The following MET variants were observed in gnomAD, a reference collection of about 807,000 sequenced individuals.
MET encodes the protein hepatocyte growth factor receptor.
In MET, 48 loss-of-function variants were observed where a neutral mutation model predicts 133.1. The observed-to-expected ratio is 0.36, with a 90% CI of 0.29 to 0.46. The LOEUF (loss-of-function observed/expected upper bound fraction) is 0.46. Ranked by LOEUF, MET falls within the 20% of genes least tolerant of loss-of-function variation. The pLI is 1.00. For missense variants in MET, 1,442 were observed against 1,695.9 expected, an observed-to-expected ratio of 0.85 and a Z score of 2.63; for synonymous variants, 628 against 616.5, an observed-to-expected ratio of 1.02 and a Z score of -0.28.
chr7:116,672,203 T>G lies in MET; in HGVS notation c.-389T>G, dbSNP rs1795997028. Among the ~76,000 whole-genome samples the G allele has an allele frequency of 6.6e-6, 1 of 151,836 alleles. No homozygotes were observed. The highest frequency in any genetic ancestry group is 2.4e-5 in the African/African-American group (1 of 41,394). On this transcript the variant is annotated 5_prime_UTR_variant, in exon 1 of 21. Coordinates refer to ENST00000397752, the MANE Select transcript of MET (RefSeq NM_000245.4). ...ACAGCACGCGAGGCAGACAGACACG[T>G]GCTGGGGCGGGCAGGCGAGCGCCTC...
chr7:116,770,483 T>G (rs945313994), intron 12 of MET, among the ~76,000 whole-genome samples: 1 of 152,194 alleles, frequency 6.6e-6, no homozygotes, highest in Non-Finnish European at 1.5e-5. Context: ...ATTAATTTCA[T>G]TCACAGTGTT....
chr7:116,740,791 T>C lies in MET; in HGVS notation c.1528-61T>C, dbSNP rs1280080393. ...ACATGTACCTTTTGTGTACTTACTT[T>C]ATAATTAATTAACAAACTAGATACC... On this transcript the variant is annotated intron_variant, in intron 4 of 20. Coordinates refer to ENST00000397752, the MANE Select transcript of MET (RefSeq NM_000245.4). 1.9e-6 allele frequency: 3 copies of C among 1,592,934 alleles called. No individual in the cohort carries two copies. In the African/African-American group the frequency reaches 4.0e-5, roughly 21 times the overall value.
rs770257200 is a variant in MET at position 116,740,106 on chromosome 7, T to C, written c.1527+22T>C. 8 of 1,613,808 alleles carry C rather than the reference T, an allele frequency of 5.0e-6. No homozygotes were observed. The South Asian group carries it at 8.8e-5, about 18-fold the overall frequency. On this transcript the variant is annotated intron_variant, in intron 4 of 20. Coordinates refer to ENST00000397752, the MANE Select transcript of MET (RefSeq NM_000245.4). ...GAAGGTAAGCTGTTCCCACAGGGAA[T>C]TTCCATAGACGTGGTTTTTCCCAAA...
At position 116,777,349 on chromosome 7, in the gene MET, A is replaced by T. The variant is rs770445407; in HGVS notation, c.3260-40A>T. The T allele has an allele frequency of 9.6e-6, 14 of 1,465,332 alleles. No individual in the cohort carries two copies. In the East Asian group the frequency reaches 3.2e-4, roughly 33 times the overall value. The allele number at this position is 1,465,332 out of a possible 1,614,324, so 90.8% of individuals were successfully genotyped here. On this transcript the variant is annotated intron_variant, in intron 15 of 20. Coordinates refer to ENST00000397752, the MANE Select transcript of MET (RefSeq NM_000245.4). ...TTGATAAATAATTATTTCATAATTA[A>T]ATGTTACGCAGTGCTAACCAAGTTC...
intron 5 of MET, among the ~76,000 whole-genome samples, chr7:116,741,768 T>C (rs1237289073): frequency 6.6e-6 from 1 of 152,200 alleles, no homozygotes; most frequent in Non-Finnish European, 1.5e-5. Context: ...CTTTAATTCA[T>C]TCCAAAAATA....
At chr7:116,705,871 A>G (rs1791769242) in intron 2 of MET, among the ~76,000 whole-genome samples, 1 of 152,146 alleles carries the variant, frequency 6.6e-6, no homozygotes, top group African/African-American at 2.4e-5. Flanking sequence ...ATTAAAAGAA[A>G]TTTAAAATTA....
At chr7:116,779,735 A>C (rs1012138243) in intron 17 of MET, among the ~76,000 whole-genome samples, 4 of 152,162 alleles carry the variant, frequency 2.6e-5, no homozygotes, top group African/African-American at 9.7e-5. Flanking sequence ...AAAAAAAAGA[A>C]GGTGAAATAT....
intron 1 of MET, among the ~76,000 whole-genome samples, chr7:116,691,977 T>A (rs1057493280): frequency 6.6e-6 from 1 of 152,164 alleles, no homozygotes; most frequent in Non-Finnish European, 1.5e-5. Context: ...GAGTTGCCGG[T>A]ATAAGAGACA....
chr7:116,673,948 G>A (rs1455102575), intron 1 of MET, among the ~76,000 whole-genome samples: 1 of 152,118 alleles, frequency 6.6e-6, no homozygotes, highest in East Asian at 1.9e-4. Context: ...ATAACAGAGG[G>A]AAAATTTACA....
intron 16 of MET, among the ~76,000 whole-genome samples, chr7:116,777,822 C>T (rs1277612411): frequency 6.6e-6 from 1 of 152,084 alleles, no homozygotes; most frequent in African/African-American, 2.4e-5. Context: ...ACTCATTTTA[C>T]CCAGAGGCAT....
At chr7:116,746,888 C>T (rs957331150) in intron 5 of MET, among the ~76,000 whole-genome samples, 18 of 151,784 alleles carry the variant, frequency 1.2e-4, no homozygotes, top group East Asian at 9.7e-4. Flanking sequence ...GTAACAAACC[C>T]GCACATTGTG....
At chr7:116,705,690 T>C (rs1791762027) in intron 2 of MET, among the ~76,000 whole-genome samples, 1 of 152,152 alleles carries the variant, frequency 6.6e-6, no homozygotes, top group Admixed American at 6.5e-5. Flanking sequence ...AGATTCAATG[T>C]ACTTTTTAAA....
At chr7:116,688,940 G>A (rs1262910300) in intron 1 of MET, among the ~76,000 whole-genome samples, 9 of 152,120 alleles carry the variant, frequency 5.9e-5, no homozygotes, top group Admixed American at 2.0e-4. Flanking sequence ...TCAAGAAACC[G>A]TTTAGAGCAC....
chr7:116,711,160 A>G (rs1469574734), intron 2 of MET, among the ~76,000 whole-genome samples: 2 of 152,244 alleles, frequency 1.3e-5, no homozygotes, highest in African/African-American at 4.8e-5. Flanking sequence ...TGTACTCTGA[A>G]GTACGGGTAA....
At chr7:116,705,307 A>T (rs1791745486) in intron 2 of MET, among the ~76,000 whole-genome samples, 1 of 149,708 alleles carries the variant, frequency 6.7e-6, no homozygotes, top group Admixed American at 6.6e-5. Flanking sequence ...TAAAATAAAC[A>T]AAGATTTATA....
At chr7:116,784,450 C>T (rs893410600) in intron 19 of MET, among the ~76,000 whole-genome samples, 2 of 152,194 alleles carry the variant, frequency 1.3e-5, no homozygotes, top group African/African-American at 4.8e-5. Context: ...GCAGACTCTA[C>T]AGGAAGCATG....
rs1584953336 is a variant in MET at position 116,769,758 on chromosome 7, C to A, written c.2697C>A (p.Asp899Glu). 1 of 1,613,676 alleles carries A rather than the reference C, an allele frequency of 6.2e-7. No homozygotes were observed. Among genetic ancestry groups the A allele is most frequent in the Non-Finnish European group, 8.5e-7 (1 of 1,179,824 alleles). The change falls in exon 12 of 21, where the codon GAC becomes GAA. Residue 899 changes from aspartate to glutamate, a missense_variant. By Grantham distance (45) the Asp-to-Glu change is conservative (BLOSUM62 2). Coordinates refer to ENST00000397752, the MANE Select transcript of MET (RefSeq NM_000245.4). ...SEAVLCTVPN[D>E]LLKLNSELNI... is the part of the protein sequence containing the mutation. ...CCGTTTTATGCACGGTCCCCAATGA[C>A]CTGCTGAAATTGAACAGCGAGCTAA...
At chr7:116,723,990 T>C (rs1367476221) in intron 2 of MET, among the ~76,000 whole-genome samples, 20 of 152,366 alleles carry the variant, frequency 1.3e-4, no homozygotes, top group Admixed American at 3.3e-4. Flanking sequence ...GCAGGCCTCC[T>C]TGAGCTCTGG....
intron 5 of MET, among the ~76,000 whole-genome samples, chr7:116,746,359 G>T (rs563960993): frequency 8.5e-5 from 13 of 152,334 alleles, no homozygotes; most frequent in African/African-American, 3.1e-4. Flanking sequence ...AACCATTGTG[G>T]AAGACAGTGT....
Sources: gnomAD v4.1 joint callset for allele counts (sites outside exome capture counted in the v4.1 genomes callset) on GRCh38, gnomAD v4.1.1 for gene constraint, MANE v1.5 for transcripts, NCBI Gene and HGNC (gene_info 2026-07-23, HGNC 2026-07-21) for gene names.